GALNT13: variants seen among roughly 807,000 people sequenced by gnomAD.
GALNT13 encodes polypeptide N-acetylgalactosaminyltransferase 13, also known as UDP-GalNAc:polypeptide N-acetylgalactosaminyltransferase 13.
GALNT13 carries 28 observed loss-of-function variants against 64.2 expected under a neutral mutation model. The observed-to-expected ratio is 0.44, with a 90% CI of 0.32 to 0.60. The LOEUF (loss-of-function observed/expected upper bound fraction) is 0.60, where lower values mean the gene tolerates loss of function less well. Among genes scored for constraint, GALNT13 ranks in the 20% least tolerant of loss-of-function variants. The pLI is 0.05. For synonymous variants in GALNT13, 214 were observed against 224.6 expected (o/e 0.95, Z 0.42); for missense variants, 577 against 669.8 (o/e 0.86, Z 1.53).
At chr2:153,305,375 A>G in the GALNT13 span, among the ~76,000 whole-genome samples, 1 of 152,128 alleles carries the variant, frequency 6.6e-6, no homozygotes, top group Admixed American at 6.5e-5. Context: ...CCCACCTTGT[A>G]TTCTGCTGCC....
At chr2:154,118,458 T>G (rs1681733504) in intron 3 of GALNT13, among the ~76,000 whole-genome samples, 1 of 152,036 alleles carries the variant, frequency 6.6e-6, no homozygotes, top group African/African-American at 2.4e-5. Flanking sequence ...GGTATTTTTT[T>G]TAATCCATTC....
Position 154,201,256 on chromosome 2 carries a change from A to G in GALNT13, c.312-40774A>G, listed in dbSNP as rs370277385. ...TAAAGACAATAGAAAGTCTTCCATG[A>G]ATGTGTATTCATGACAGCATGAGAG... On this transcript the variant is annotated intron_variant, in intron 4 of 12. Coordinates refer to ENST00000392825, the MANE Select transcript of GALNT13 (RefSeq NM_052917.4). 3.3e-5 allele frequency among the ~76,000 whole-genome samples: 5 copies of G among 152,242 alleles called. No homozygotes were observed. The East Asian group carries it at 9.7e-4, about 29-fold the overall frequency.
the GALNT13 span, among the ~76,000 whole-genome samples, chr2:153,231,385 A>C: frequency 6.6e-6 from 1 of 152,176 alleles, no homozygotes; most frequent in Non-Finnish European, 1.5e-5. Context: ...TATGATACTG[A>C]TGTCAGTATG....
the GALNT13 span, among the ~76,000 whole-genome samples, chr2:153,419,114 A>G: frequency 2.6e-5 from 4 of 152,210 alleles, no homozygotes; most frequent in Non-Finnish European, 5.9e-5. Flanking sequence ...AAGAGGTTTA[A>G]TTGACTCACA....
the GALNT13 span, among the ~76,000 whole-genome samples, chr2:153,864,847 G>A: frequency 2.0e-5 from 3 of 147,566 alleles, no homozygotes; most frequent in Admixed American, 6.8e-5. Flanking sequence ...AGCCCGCATC[G>A]CCAAGTCAAT....
the GALNT13 span, among the ~76,000 whole-genome samples, chr2:153,705,713 A>G: frequency 2.6e-5 from 4 of 152,320 alleles, no homozygotes; most frequent in South Asian, 6.2e-4. Flanking sequence ...TTCTGCTAAC[A>G]TTGTATTGTC....
At chr2:153,506,351 A>AT in the GALNT13 span, among the ~76,000 whole-genome samples, 2 of 152,144 alleles carry the variant, frequency 1.3e-5, no homozygotes, top group East Asian at 1.9e-4. Context: ...CAATGTTAGT[A>AT]TTGAGATGTG....
the GALNT13 span, among the ~76,000 whole-genome samples, chr2:153,432,717 G>C: frequency 6.6e-6 from 1 of 151,792 alleles, no homozygotes; most frequent in African/African-American, 2.4e-5. Context: ...TTTGGCTGGG[G>C]GGTGGGGAGG....
chr2:154,257,068 GCAAACA>G (rs1253658656), intron 7 of GALNT13, among the ~76,000 whole-genome samples: 1 of 151,900 alleles, frequency 6.6e-6, no homozygotes, highest in African/African-American at 2.4e-5. Flanking sequence ...AACTGATATT[GCAAACA>G]CAAAAAAAAC....
the GALNT13 span, among the ~76,000 whole-genome samples, chr2:153,682,809 T>A: frequency 3.3e-5 from 5 of 151,788 alleles, no homozygotes; most frequent in Admixed American, 1.3e-4. Context: ...ACAGAAAATG[T>A]AATGGCTAAA....
the GALNT13 span, among the ~76,000 whole-genome samples, chr2:153,646,045 T>C: frequency 6.6e-6 from 1 of 152,104 alleles, no homozygotes; most frequent in Non-Finnish European, 1.5e-5. Flanking sequence ...TTATTTCTAT[T>C]TTGGTGTAAT....
intron 3 of GALNT13, among the ~76,000 whole-genome samples, chr2:154,099,397 G>T (rs1381795431): frequency 2.6e-5 from 4 of 151,944 alleles, no homozygotes; most frequent in Non-Finnish European, 4.4e-5. Flanking sequence ...TATTTCTTTT[G>T]CTGTGCAGAA....
the GALNT13 span, among the ~76,000 whole-genome samples, chr2:153,624,940 T>C: frequency 6.6e-6 from 1 of 151,990 alleles, no homozygotes; most frequent in African/African-American, 2.4e-5. Context: ...AGTACAATAC[T>C]GGCGTTTTGA....
the GALNT13 span, among the ~76,000 whole-genome samples, chr2:153,454,269 G>A: frequency 1.3e-5 from 2 of 150,942 alleles, no homozygotes; most frequent in Non-Finnish European, 3.0e-5. Context: ...TTGAAATTAT[G>A]TATATATATA....
the GALNT13 span, among the ~76,000 whole-genome samples, chr2:153,439,440 G>A: frequency 1.3e-5 from 2 of 152,180 alleles, no homozygotes; most frequent in African/African-American, 2.4e-5. Flanking sequence ...AGGCAGGCAG[G>A]CCTCCTTGAG....
intron 9 of GALNT13, among the ~76,000 whole-genome samples, chr2:154,343,705 A>G (rs2105231760): frequency 6.6e-6 from 1 of 152,202 alleles, no homozygotes; most frequent in South Asian, 2.1e-4. Context: ...CATGGCTGTA[A>G]CATTGATATA....
the GALNT13 span, among the ~76,000 whole-genome samples, chr2:153,089,445 T>C: frequency 1.3e-5 from 2 of 152,196 alleles, no homozygotes; most frequent in Non-Finnish European, 2.9e-5. Context: ...CTGATGACTA[T>C]GTATGTAGGT....
the GALNT13 span, among the ~76,000 whole-genome samples, chr2:153,604,769 T>C: frequency 6.6e-6 from 1 of 152,098 alleles, no homozygotes; most frequent in African/African-American, 2.4e-5. Context: ...ATTATTTTAT[T>C]AAGAGAAATT....
At chr2:153,270,854 AAAAAAC>A in the GALNT13 span, among the ~76,000 whole-genome samples, 1 of 152,154 alleles carries the variant, frequency 6.6e-6, no homozygotes, top group Non-Finnish European at 1.5e-5. Flanking sequence ...CTGTCTCAAT[AAAAAAC>A]AAAAACAATA....
Sources: gnomAD v4.1 joint callset for allele counts (sites outside exome capture counted in the v4.1 genomes callset) on GRCh38, gnomAD v4.1.1 for gene constraint, MANE v1.5 for transcripts, NCBI Gene and HGNC (gene_info 2026-07-23, HGNC 2026-07-21) for gene names.